The following AFG1L variants were observed in gnomAD, a reference collection of about 807,000 sequenced individuals.
AFG1L encodes the protein AFG1 like ATPase, also known as AFG1-like ATPase.
In AFG1L, 53 loss-of-function variants were observed where a neutral mutation model predicts 62.2. The ratio of observed to expected loss-of-function variants is 0.85; its 90% CI spans 0.68 to 1.07. The LOEUF (loss-of-function observed/expected upper bound fraction) is 1.07. Ranked by LOEUF, AFG1L falls within the 50% of genes least tolerant of loss-of-function variation. The pLI, the probability that AFG1L is intolerant of heterozygous loss-of-function variation, is 0.00. For synonymous variants in AFG1L, 228 were observed against 210.3 expected (o/e 1.08, Z -0.73); for missense variants, 555 against 590.5 (o/e 0.94, Z 0.62).
chr6:108,398,511 GA>G (rs1582515721), intron 6 of AFG1L, among the ~76,000 whole-genome samples: 1 of 152,122 alleles, frequency 6.6e-6, no homozygotes, highest in Admixed American at 6.6e-5. Context: ...TGTGAAGTAT[GA>G]CTCAAGAAAT....
At chr6:108,498,332 G>C (rs1419304317) in intron 10 of AFG1L, among the ~76,000 whole-genome samples, 1 of 152,200 alleles carries the variant, frequency 6.6e-6, no homozygotes, top group Admixed American at 6.5e-5. Flanking sequence ...ACTATAATCA[G>C]ATGACCCCTC....
intron 6 of AFG1L, among the ~76,000 whole-genome samples, chr6:108,398,743 A>G (rs1781424528): frequency 6.6e-6 from 1 of 152,148 alleles, no homozygotes; most frequent in Non-Finnish European, 1.5e-5. Flanking sequence ...ACCTTTGTCA[A>G]AAATGTGTTC....
intron 6 of AFG1L, among the ~76,000 whole-genome samples, chr6:108,373,260 G>GC (rs1225660185): frequency 3.3e-5 from 5 of 152,012 alleles, no homozygotes; most frequent in Non-Finnish European, 7.4e-5. Context: ...CCGATGTCTA[G>GC]CTCCCACTCA....
Position 108,460,825 on chromosome 6 carries a change from C to T in AFG1L, c.890+13529C>T, listed in dbSNP as rs140934519. 4.9e-3 allele frequency among the ~76,000 whole-genome samples: 751 copies of T among 152,190 alleles called. 3 individuals carry two copies. The highest frequency in any genetic ancestry group is 0.017 in the African/African-American group (724 of 41,520). On this transcript the variant is annotated intron_variant, in intron 8 of 12. Coordinates refer to ENST00000368977, the MANE Select transcript of AFG1L (RefSeq NM_145315.5). ...ACAAAAAATTAGCTGGGCATGGTGG[C>T]GGGTGCTTGTAGTCCCAGCTACTCA...
At chr6:108,442,003 A>G (rs1332897379) in intron 7 of AFG1L, among the ~76,000 whole-genome samples, 1 of 152,090 alleles carries the variant, frequency 6.6e-6, no homozygotes, top group Non-Finnish European at 1.5e-5. Context: ...TATAAGATAA[A>G]TTGTAGTTTA....
intron 10 of AFG1L, among the ~76,000 whole-genome samples, chr6:108,498,642 A>T (rs899884460): frequency 1.3e-5 from 2 of 152,200 alleles, no homozygotes; most frequent in African/African-American, 4.8e-5. Flanking sequence ...TCTGTATATT[A>T]TATAATCATG....
chr6:108,490,432 T>C (rs1417083828), intron 10 of AFG1L, among the ~76,000 whole-genome samples: 2 of 152,248 alleles, frequency 1.3e-5, no homozygotes, highest in Non-Finnish European at 2.9e-5. Flanking sequence ...GGATGTTACT[T>C]TGTAGAAAAT....
At chr6:108,375,665 G>A (rs562574594) in intron 6 of AFG1L, among the ~76,000 whole-genome samples, 1 of 152,206 alleles carries the variant, frequency 6.6e-6, no homozygotes, top group Non-Finnish European at 1.5e-5. Context: ...TTGCATCCCA[G>A]GACTGAGGCC....
chr6:108,496,758 C>A (rs1773988007), intron 10 of AFG1L, among the ~76,000 whole-genome samples: 1 of 152,138 alleles, frequency 6.6e-6, no homozygotes, highest in African/African-American at 2.4e-5. Flanking sequence ...ATTAAACATA[C>A]CTCTAAGTCT....
chr6:108,352,639 A>G (rs1779129493), intron 3 of AFG1L, among the ~76,000 whole-genome samples: 1 of 152,182 alleles, frequency 6.6e-6, no homozygotes, highest in South Asian at 2.1e-4. Flanking sequence ...ATCTCAGCAC[A>G]CTGCAACCTC....
At chr6:108,422,484 A>AAAAAAAAAAAAAAAAAAAC in intron 7 of AFG1L, among the ~76,000 whole-genome samples, 1 of 145,974 alleles carries the variant, frequency 6.9e-6, no homozygotes, top group Non-Finnish European at 1.5e-5. Context: ...CAGCAAAAAA[A>AAAAAAAAAAAAAAAAAAAC]AAAAAAAAAA....
At chr6:108,328,897 C>T (rs1778162810) in intron 2 of AFG1L, among the ~76,000 whole-genome samples, 2 of 152,114 alleles carry the variant, frequency 1.3e-5, no homozygotes, top group Non-Finnish European at 2.9e-5. Flanking sequence ...GTGAATAACC[C>T]TGGTTTTACT....
At chr6:108,385,869 G>A (rs574312967) in intron 6 of AFG1L, among the ~76,000 whole-genome samples, 1 of 152,298 alleles carries the variant, frequency 6.6e-6, no homozygotes, top group Admixed American at 6.5e-5. Context: ...CCAGTGCTTT[G>A]GGAGGCTGAG....
intron 5 of AFG1L, among the ~76,000 whole-genome samples, chr6:108,362,279 T>C (rs1012207928): frequency 6.6e-6 from 1 of 152,072 alleles, no homozygotes; most frequent in Non-Finnish European, 1.5e-5. Flanking sequence ...ATATGGTTGA[T>C]TTTTTTTCAT....
At chr6:108,471,264 C>T (rs146951159) in intron 8 of AFG1L, among the ~76,000 whole-genome samples, 321 of 152,162 alleles carry the variant, frequency 2.1e-3, no homozygotes, top group African/African-American at 7.3e-3. Context: ...ATAACTATGA[C>T]GAAGGCAGAG....
rs1211710329 is a variant in AFG1L, at chr6:108,523,274, C to T, written c.*849C>T. On this transcript the variant is annotated 3_prime_UTR_variant, in exon 13 of 13. Coordinates refer to ENST00000368977, the MANE Select transcript of AFG1L (RefSeq NM_145315.5). ...CCAGTGGACAGCAGGCTCCTTCTCA[C>T]TGTTGTAGACACTTGCTCTCCTTGC... 1 of 152,306 alleles carries T rather than the reference C, an allele frequency of 6.6e-6. No homozygotes were observed. Among genetic ancestry groups the T allele is most frequent in the East Asian group, 1.9e-4 (1 of 5,196 alleles). 9.4% of individuals were successfully genotyped at this position (152,306 alleles called of 1,614,324 possible).
At chr6:108,471,770 C>T (rs1772909159) in intron 8 of AFG1L, among the ~76,000 whole-genome samples, 1 of 152,120 alleles carries the variant, frequency 6.6e-6, no homozygotes, top group South Asian at 2.1e-4. Flanking sequence ...CTCCTATTTA[C>T]ACCAGAGGAT....
intron 7 of AFG1L, among the ~76,000 whole-genome samples, chr6:108,408,441 TC>T (rs1281278191): frequency 6.6e-6 from 1 of 152,226 alleles, no homozygotes; most frequent in African/African-American, 2.4e-5. Context: ...TATGCAGATA[TC>T]TGGAGCTTTT....
At chr6:108,498,091 G>A (rs1293812982) in intron 10 of AFG1L, among the ~76,000 whole-genome samples, 1 of 152,088 alleles carries the variant, frequency 6.6e-6, no homozygotes, top group Admixed American at 6.5e-5. Context: ...TCCTTTTTGT[G>A]TTCTCTCCTC....
Sources: gnomAD v4.1 joint callset for allele counts (sites outside exome capture counted in the v4.1 genomes callset) on GRCh38, gnomAD v4.1.1 for gene constraint, MANE v1.5 for transcripts, NCBI Gene and HGNC (gene_info 2026-07-23, HGNC 2026-07-21) for gene names.